LPAR6: variants seen among roughly 807,000 people sequenced by gnomAD.
LPAR6 encodes G-protein coupled purinergic receptor P2Y5.
Under a neutral mutation model 22.0 loss-of-function variants are expected in LPAR6, and 17 were observed. That is an observed-to-expected ratio of 0.77 (90% CI 0.53 to 1.16). LPAR6 has a LOEUF of 1.16. Ranked by LOEUF, LPAR6 falls within the 50% of genes most tolerant of loss-of-function variation. The pLI is 0.00. For missense variants in LPAR6, 384 were observed against 406.9 expected, an observed-to-expected ratio of 0.94 and a Z score of 0.48; for synonymous variants, 136 against 139.8, an observed-to-expected ratio of 0.97 and a Z score of 0.19.
Position 48,412,033 on chromosome 13 carries a change from T to G in LPAR6, c.391A>C (p.Arg131=). 6.2e-7 allele frequency: 1 copy of G among 1,613,302 alleles called. No individual in the cohort carries two copies. The highest frequency in any genetic ancestry group is 8.5e-7 in the Non-Finnish European group (1 of 1,179,634). ...CCAGTGCAAACAATCTTTGCATTTC[T>G]TTTGGTTCTTAGAGTCTTTGACTTA... is the stretch of plus-strand genomic sequence containing the variant. The part of the protein sequence containing the change: ...PFKSKTLRTK[R]NAKIVCTGVW... The change falls in exon 1 of 1, where the codon AGA becomes CGA. Residue 131 remains arginine, a synonymous_variant. Transcript: ENST00000620633.
intron 1 of LPAR6, among the ~76,000 whole-genome samples, chr13:48,433,147 G>A (rs901249740): frequency 5.3e-5 from 8 of 152,064 alleles, no homozygotes; most frequent in African/African-American, 1.9e-4. Flanking sequence ...ATACATGTAA[G>A]CTACTAAACC....
At chr13:48,427,165 C>A (rs141486407), upstream of LPAR6, among the ~76,000 whole-genome samples, 1 of 150,164 alleles carries the variant, frequency 6.7e-6, no homozygotes, top group Non-Finnish European at 1.5e-5. Flanking sequence ...CACTTCAACA[C>A]GAGTCATCTA....
rs142161994 is a variant in LPAR6, at chr13:48,404,977, G to A, written n.114+10723C>T. Among the ~76,000 whole-genome samples, 142 of 152,244 alleles carry A rather than the reference G, an allele frequency of 9.3e-4. No individual in the cohort carries two copies. The Middle Eastern group carries it at 0.01, about 11-fold the overall frequency. Reference sequence around the variant, plus strand: ...AACCTAAAATTTGTCAAATATGACAGCAAAATGAAATTTGGAAATGCAAGG... The same window carrying A: ...AACCTAAAATTTGTCAAATATGACAACAAAATGAAATTTGGAAATGCAAGG... On this transcript the variant is annotated intron_variant and non_coding_transcript_variant, in intron 1 of 1. Coordinates refer to the LPAR6 transcript ENST00000462781.
rs1483931638 is a variant in LPAR6 at position 48,412,345 on chromosome 13, C to G, written c.79G>C (p.Val27Leu). Residue 27 changes from valine (V) to leucine (L), a missense_variant, in exon 1 of 1, where the codon GTG (valine) becomes CTG (leucine). Val to Leu is a conservative substitution (Grantham distance 32, BLOSUM62 1). Transcript: ENST00000620633. ...TTGGATATTAACCCAAGCACAAACA[C>G]CATGCTGAACATGCACCCATACAAA... ...YTLYGCMFSM[V>L]FVLGLISNCV... 1.2e-6 allele frequency: 2 copies of G among 1,613,550 alleles called. No homozygotes were observed. Among genetic ancestry groups the G allele is most frequent in the Non-Finnish European group, 8.5e-7 (1 of 1,179,524 alleles).
rs1285717837 is a variant in LPAR6 at position 48,412,731 on chromosome 13, CA to C, written c.-309del. 1 of 397,962 alleles carries C rather than the reference CA, an allele frequency of 2.5e-6. No homozygotes were observed. Among genetic ancestry groups the C allele is most frequent in the East Asian group, 5.7e-5 (1 of 17,602 alleles). 24.7% of individuals were successfully genotyped at this position (397,962 alleles called of 1,614,324 possible). A position where few individuals can be genotyped will look rare whatever the true frequency, so the allele number is the denominator to read the frequency against. On this transcript the variant is annotated 5_prime_UTR_variant, in exon 1 of 1. The change abolishes an upstream ATG in the 5' untranslated region. Transcript: ENST00000620633. The stretch of plus-strand genomic sequence containing the variant: ...AAAAATACAGTCAACGAGTCCAACC[CA>C]TAGGATTATAAATTTAAAGAAAAGC...
chr13:48,398,054 T>G (rs1348225291), intron 1 of LPAR6, among the ~76,000 whole-genome samples: 2 of 152,182 alleles, frequency 1.3e-5, no homozygotes, highest in Admixed American at 6.6e-5. Flanking sequence ...TAACACTTTT[T>G]AAAAGCATGG....
intron 1 of LPAR6, among the ~76,000 whole-genome samples, chr13:48,425,411 G>A (rs974990395): frequency 6.6e-6 from 1 of 152,180 alleles, no homozygotes. Flanking sequence ...TACAATATAT[G>A]CCTTGTGGCA....
intron 1 of LPAR6, among the ~76,000 whole-genome samples, chr13:48,396,069 G>A (rs1407425379): frequency 1.3e-5 from 2 of 152,132 alleles, no homozygotes; most frequent in Non-Finnish European, 2.9e-5. Flanking sequence ...TGGCCATACT[G>A]CCCACAGTAA....
At chr13:48,416,103 G>A (rs1566215483), upstream of LPAR6, among the ~76,000 whole-genome samples, 1 of 152,042 alleles carries the variant, frequency 6.6e-6, no homozygotes, top group Admixed American at 6.6e-5. Flanking sequence ...TGGATTTTTT[G>A]GGGGGAGCGA....
chr13:48,435,898 CT>C (rs1949178407), intron 1 of LPAR6, among the ~76,000 whole-genome samples: 1 of 152,124 alleles, frequency 6.6e-6, no homozygotes, highest in Admixed American at 6.5e-5. Context: ...AGAATTTAAA[CT>C]AATTATATTA....
intron 1 of LPAR6, among the ~76,000 whole-genome samples, chr13:48,400,545 CA>C (rs1034159598): frequency 6.6e-6 from 1 of 151,946 alleles, no homozygotes; most frequent in Non-Finnish European, 1.5e-5. Flanking sequence ...TATGCTATGG[CA>C]AAAAGGGCCT....
At chr13:48,391,900 A>G (rs1466701081) in intron 1 of LPAR6, among the ~76,000 whole-genome samples, 2 of 152,104 alleles carry the variant, frequency 1.3e-5, no homozygotes, top group Non-Finnish European at 2.9e-5. Flanking sequence ...GATTACTGGC[A>G]TGAGCCACCG....
In LPAR6 at chr13:48,412,408, T is replaced by G. The variant is rs554553499; in HGVS notation, c.16A>C (p.Ser6Arg). MVSVNSSHCFYNDSFK... is the reference protein window; with the variant it reads MVSVNRSHCFYNDSFK... ...GAGTCATTATAGAAGCAGTGGGAGC[T>G]GTTAACGCTTACCATCGTAAAGGCA... is the stretch of plus-strand genomic sequence containing the variant. Residue 6 changes from serine (S) to arginine (R), a missense_variant, in exon 1 of 1, where the codon AGC becomes CGC. Coordinates refer to ENST00000620633, the MANE Select transcript of LPAR6 (RefSeq NM_001162498.3). 1 of 1,613,610 alleles carries G rather than the reference T, an allele frequency of 6.2e-7. No homozygotes were observed. The highest frequency in any genetic ancestry group is 1.1e-5 in the South Asian group (1 of 91,074).
chr13:48,421,698 G>C (rs931227465), intron 2 of LPAR6, among the ~76,000 whole-genome samples: 4 of 152,182 alleles, frequency 2.6e-5, no homozygotes, highest in Non-Finnish European at 5.9e-5. Flanking sequence ...CCATCAAAAA[G>C]TGGGTGAAGG....
intron 1 of LPAR6, among the ~76,000 whole-genome samples, chr13:48,440,904 A>G (rs187737096): frequency 6.6e-6 from 1 of 152,306 alleles, no homozygotes; most frequent in African/African-American, 2.4e-5. Context: ...AGAATGCCCT[A>G]TATTGTAATA....
chr13:48,428,390 T>A (rs2138269308), upstream of LPAR6, among the ~76,000 whole-genome samples: 1 of 117,604 alleles, frequency 8.5e-6, no homozygotes, highest in South Asian at 3.3e-4. Flanking sequence ...ACGAGTCATC[T>A]TCTACCAAAC....
At chr13:48,409,625 G>T (rs558493724), downstream of LPAR6, among the ~76,000 whole-genome samples, 1 of 120,018 alleles carries the variant, frequency 8.3e-6, no homozygotes, top group Admixed American at 1.2e-4. Context: ...TCTGTCGCCC[G>T]GCTGGAGTGC....
At position 48,411,489 on chromosome 13, in the gene LPAR6, C is replaced by T. The variant is rs374589872; in HGVS notation, c.935G>A (p.Ser312Asn). 2 of 1,612,234 alleles carry T rather than the reference C, an allele frequency of 1.2e-6. No individual in the cohort carries two copies. Among genetic ancestry groups the T allele is most frequent in the Non-Finnish European group, 1.7e-6 (2 of 1,178,842 alleles). ...ATGAACTTCAGAGAATCTGAAGTCA[C>T]TTCTCCTGACAGACCAGTTTTTCAT... ...IKMKNWSVRR[S>N]DFRFSEVHGA... Residue 312 changes from serine (S) to asparagine (N), a missense_variant, in exon 1 of 1, where the codon AGT becomes AAT. Physicochemically the swap from Ser to Asn is conservative, Grantham distance 46. Transcript: ENST00000620633.
intron 1 of LPAR6, among the ~76,000 whole-genome samples, chr13:48,390,854 TAAAG>T (rs1241251090): frequency 2.0e-5 from 3 of 152,318 alleles, no homozygotes; most frequent in East Asian, 3.9e-4. Flanking sequence ...TCTTTATTCT[TAAAG>T]AAGTGATTTT....
Sources: gnomAD v4.1 joint callset for allele counts (sites outside exome capture counted in the v4.1 genomes callset) on GRCh38, gnomAD v4.1.1 for gene constraint, MANE v1.5 for transcripts, NCBI Gene and HGNC (gene_info 2026-07-23, HGNC 2026-07-21) for gene names.